Variants in PIAS1 observed in about 807,000 individuals in gnomAD.
PIAS1 encodes protein inhibitor of activated STAT 1.
PIAS1 carries 6 observed loss-of-function variants against 71.3 expected under a neutral mutation model. That is an observed-to-expected ratio of 0.08 (90% CI 0.05 to 0.17). The LOEUF is 0.17. Among genes scored for constraint, PIAS1 ranks in the 10% least tolerant of loss-of-function variants. The pLI, the probability that PIAS1 is intolerant of heterozygous loss-of-function variation, is 1.00. For synonymous variants in PIAS1, 303 were observed against 292.9 expected, an observed-to-expected ratio of 1.03 and a Z score of -0.35; for missense variants, 555 against 793.6, an observed-to-expected ratio of 0.70 and a Z score of 3.61.
At chr15:68,181,120 C>G in intron 11 of PIAS1, 92 bp from the exon 12 acceptor site, 1 of 1,026,494 alleles carries the variant, frequency 9.7e-7, no homozygotes, top group Non-Finnish European at 1.5e-6. Flanking sequence ...AGCACTAAAC[C>G]GAGGGTTCAT....
At chr15:68,127,985 G>A (rs916018600) in intron 2 of PIAS1, among the ~76,000 whole-genome samples, 3 of 152,004 alleles carry the variant, frequency 2.0e-5, no homozygotes, top group South Asian at 2.1e-4. Context: ...GGCTGGTTTC[G>A]AACTCCTGAC....
intron 6 of PIAS1, among the ~76,000 whole-genome samples, chr15:68,152,110 C>T (rs983618753): frequency 2.0e-5 from 3 of 150,916 alleles, no homozygotes; most frequent in Admixed American, 6.6e-5. Flanking sequence ...CTACCACACC[C>T]GGCTAGTTTT....
intron 6 of PIAS1, among the ~76,000 whole-genome samples, chr15:68,151,533 T>C (rs973498611): frequency 2.0e-5 from 3 of 152,056 alleles, no homozygotes; most frequent in Middle Eastern, 3.4e-3. Flanking sequence ...TAAAAGAAGC[T>C]TTCCAGTTGG....
chr15:68,169,149 T>G (rs918852744), intron 8 of PIAS1, among the ~76,000 whole-genome samples: 6 of 152,252 alleles, frequency 3.9e-5, no homozygotes, highest in Non-Finnish European at 5.9e-5. Flanking sequence ...GTTTCTCTAC[T>G]TAGTATTAAG....
intron 1 of PIAS1, among the ~76,000 whole-genome samples, chr15:68,081,761 A>C (rs1460389752): frequency 6.6e-6 from 1 of 152,170 alleles, no homozygotes; most frequent in East Asian, 1.9e-4. Context: ...TTATCAGTCT[A>C]GGAAGACCTG....
intron 8 of PIAS1, among the ~76,000 whole-genome samples, chr15:68,169,929 C>T (rs927536659): frequency 1.3e-5 from 2 of 152,016 alleles, no homozygotes; most frequent in African/African-American, 4.8e-5. Context: ...ATTCAGAATT[C>T]ACACAGTAGG....
chr15:68,180,105 T>TTTTTG (rs1454806114), intron 11 of PIAS1, among the ~76,000 whole-genome samples: 1 of 152,110 alleles, frequency 6.6e-6, no homozygotes, highest in East Asian at 1.9e-4. Flanking sequence ...TTTGTTTTTG[T>TTTTTG]TTTTGTTTTG....
chr15:68,096,203 T>TGTGTGACAA (rs1300180901), intron 2 of PIAS1, among the ~76,000 whole-genome samples: 1 of 152,202 alleles, frequency 6.6e-6, no homozygotes, highest in Non-Finnish European at 1.5e-5. Context: ...TTCCATTGTG[T>TGTGTGACAA]GGTTTTGACA....
chr15:68,142,420 C>T (rs945324587), intron 4 of PIAS1, 83 bp downstream of exon 4: 1 of 1,061,724 alleles, frequency 9.4e-7, no homozygotes, highest in African/African-American at 1.6e-5. Flanking sequence ...AGGTACAGTG[C>T]TGACTGTAGG....
intron 2 of PIAS1, among the ~76,000 whole-genome samples, chr15:68,134,583 C>T (rs1471689187): frequency 2.6e-4 from 10 of 38,652 alleles, no homozygotes; most frequent in East Asian, 2.2e-3. Flanking sequence ...GAGGCGCCCC[C>T]CACCCCCCAG....
chr15:68,163,387 A>G (rs1339254132), intron 7 of PIAS1, among the ~76,000 whole-genome samples: 2 of 152,188 alleles, frequency 1.3e-5, no homozygotes, highest in African/African-American at 4.8e-5. Context: ...GAAATATATT[A>G]AGACTTTGAA....
At chr15:68,061,060 A>G (rs2091953536) in intron 1 of PIAS1, among the ~76,000 whole-genome samples, 2 of 152,270 alleles carry the variant, frequency 1.3e-5, no homozygotes, top group Non-Finnish European at 2.9e-5. Flanking sequence ...AGTTAAACCA[A>G]TTAATAAATG....
intron 2 of PIAS1, among the ~76,000 whole-genome samples, chr15:68,094,380 A>G (rs1430081925): frequency 1.3e-5 from 2 of 151,764 alleles, no homozygotes; most frequent in Non-Finnish European, 2.9e-5. Context: ...TTTGAAATAT[A>G]TATATATTTA....
intron 1 of PIAS1, among the ~76,000 whole-genome samples, chr15:68,057,019 G>GC (rs1223697314): frequency 1.3e-5 from 2 of 152,090 alleles, no homozygotes; most frequent in Non-Finnish European, 2.9e-5. Context: ...TTAGGTTTCA[G>GC]CCCCATACTT....
At chr15:68,141,842 G>T in intron 2 of PIAS1, 104 bp from the exon 3 acceptor site, 1 of 673,222 alleles carries the variant, frequency 1.5e-6, no homozygotes, top group South Asian at 1.8e-5. Context: ...CTAAACTCTA[G>T]AATATATACC....
At chr15:68,104,760 T>C (rs2092455515) in intron 2 of PIAS1, among the ~76,000 whole-genome samples, 1 of 152,196 alleles carries the variant, frequency 6.6e-6, no homozygotes, top group Non-Finnish European at 1.5e-5. Flanking sequence ...CCTAATTTAA[T>C]CATTGCACAT....
At position 68,065,736 on chromosome 15, in the gene PIAS1, C is replaced by CTTTTTT. The variant is rs35947814; in HGVS notation, c.24+11402_24+11407dup. 3.0e-5 allele frequency among the ~76,000 whole-genome samples: 3 copies of CTTTTTT among 99,570 alleles called. 1 individual carries two copies. Among genetic ancestry groups the CTTTTTT allele is most frequent in the Non-Finnish European group, 5.8e-5 (3 of 51,784 alleles). The allele number at this position is 99,570 out of a possible 152,430, so 65.3% of individuals were successfully genotyped here. ...GCACTGAACGAATGTGCTTGAAGTA[C>CTTTTTT]TTTTTTTTTTTTTTTTTTTTTGGAG... On this transcript the variant is annotated intron_variant, in intron 1 of 13. Transcript: ENST00000249636.
chr15:68,115,800 T>C (rs1333517050), intron 2 of PIAS1, among the ~76,000 whole-genome samples: 4 of 152,154 alleles, frequency 2.6e-5, no homozygotes, highest in African/African-American at 9.7e-5. Flanking sequence ...GCTGTTAATA[T>C]GGTGTTTCTT....
At chr15:68,114,177 A>G (rs1354574577) in intron 2 of PIAS1, among the ~76,000 whole-genome samples, 1 of 152,060 alleles carries the variant, frequency 6.6e-6, no homozygotes, top group African/African-American at 2.4e-5. Flanking sequence ...AAAGGAGTCA[A>G]TTTTTGCTGC....
Sources: allele counts gnomAD v4.1 joint callset (sites outside exome capture counted in the v4.1 genomes callset), GRCh38; gene constraint gnomAD v4.1.1; transcripts MANE v1.5; gene names NCBI Gene and HGNC (gene_info 2026-07-23, HGNC 2026-07-21).